The following MRTFA variants were observed in gnomAD, a reference collection of about 807,000 sequenced individuals.
MRTFA encodes the protein myocardin-related transcription factor A.
A neutral mutation model predicts 83.5 loss-of-function variants in MRTFA; 20 were observed. That is an observed-to-expected ratio of 0.24 (90% CI 0.17 to 0.35). The LOEUF is 0.35. Ranked by LOEUF, MRTFA falls within the 10% of genes least tolerant of loss-of-function variation. MRTFA has a pLI of 1.00. For missense variants in MRTFA, 1,200 were observed against 1,224.7 expected (o/e 0.98, Z 0.30); for synonymous variants, 659 against 541.2 (o/e 1.22, Z -3.02).
chr22:40,617,783 T>C (rs918746696), intron 1 of MRTFA, among the ~76,000 whole-genome samples: 1 of 151,042 alleles, frequency 6.6e-6, no homozygotes, highest in Non-Finnish European at 1.5e-5. Flanking sequence ...AGGAGAATAA[T>C]GTCCTACAAA....
At chr22:40,431,266 G>A (rs1376081551) in intron 6 of MRTFA, 139 bp downstream of exon 6, 12 of 737,362 alleles carry the variant, frequency 1.6e-5, no homozygotes, top group Middle Eastern at 2.5e-4. Flanking sequence ...CACAGCTGTC[G>A]TACGGTGTTA....
At chr22:40,550,279 G>A (rs1198804689) in intron 3 of MRTFA, among the ~76,000 whole-genome samples, 1 of 151,382 alleles carries the variant, frequency 6.6e-6, no homozygotes, top group Admixed American at 6.6e-5. Context: ...GGCAGAACTT[G>A]GTAAGGCAAT....
rs375086868 is a variant in MRTFA at position 40,419,058 on chromosome 22, G to A, written c.1680C>T (p.Arg560=). The A allele has an allele frequency of 3.4e-5, 55 of 1,610,500 alleles. No homozygotes were observed. Among genetic ancestry groups the A allele is most frequent in the Non-Finnish European group, 4.3e-5 (51 of 1,178,994 alleles). The stretch of plus-strand genomic sequence containing the variant: ...TTTCATCGCCCGTGCTGAGCAGTGA[G>A]CGCTCCGAGGGGGTGGGAGACACGG... Residue 560 remains arginine, a synonymous_variant, in exon 12 of 15, where the codon CGC becomes CGT. Coordinates refer to ENST00000355630, the MANE Select transcript of MRTFA (RefSeq NM_020831.6).
At chr22:40,484,192 C>T (rs1008871325) in intron 3 of MRTFA, among the ~76,000 whole-genome samples, 1 of 151,860 alleles carries the variant, frequency 6.6e-6, no homozygotes, top group African/African-American at 2.4e-5. Context: ...AATTCTCACT[C>T]TTCAGTCCTA....
chr22:40,608,172 G>A (rs779176115), intron 1 of MRTFA, among the ~76,000 whole-genome samples: 2 of 151,906 alleles, frequency 1.3e-5, no homozygotes, highest in African/African-American at 4.8e-5. Flanking sequence ...CTACACACCC[G>A]GCTACTTTTT....
chr22:40,529,938 T>A (rs2055048587), intron 3 of MRTFA, among the ~76,000 whole-genome samples: 1 of 152,186 alleles, frequency 6.6e-6, no homozygotes. Context: ...ATCCTGTGCA[T>A]GGACAAATGT....
chr22:40,636,127 G>T (rs2056695328), intron 1 of MRTFA, among the ~76,000 whole-genome samples: 1 of 152,208 alleles, frequency 6.6e-6, no homozygotes, highest in Admixed American at 6.5e-5. Context: ...CAGAGAAAGC[G>T]GCCGACACCC....
chr22:40,559,820 T>A (rs1384944004), intron 2 of MRTFA, among the ~76,000 whole-genome samples: 1 of 152,162 alleles, frequency 6.6e-6, no homozygotes, highest in Non-Finnish European at 1.5e-5. Flanking sequence ...AACCCCATGG[T>A]TGTGCCTACT....
intron 4 of MRTFA, among the ~76,000 whole-genome samples, chr22:40,461,098 A>T (rs1297321052): frequency 6.8e-6 from 1 of 147,062 alleles, no homozygotes; most frequent in East Asian, 2.1e-4. Flanking sequence ...GCTATTCAGG[A>T]GGCTGAGGTG....
intron 4 of MRTFA, among the ~76,000 whole-genome samples, chr22:40,450,989 G>C (rs2053476150): frequency 2.0e-5 from 3 of 152,100 alleles, no homozygotes; most frequent in Admixed American, 2.0e-4. Flanking sequence ...CTGCAAAATG[G>C]CAATTATACT....
intron 3 of MRTFA, among the ~76,000 whole-genome samples, chr22:40,527,758 T>TAA (rs56235942): frequency 2.0e-5 from 2 of 100,078 alleles, no homozygotes; most frequent in Non-Finnish European, 4.2e-5. Context: ...GACTCCATCT[T>TAA]AAAAAAAAAA....
At position 40,455,474 on chromosome 22, in the gene MRTFA, G is replaced by A. The variant is rs186532377; in HGVS notation, c.307+7747C>T. Among the ~76,000 whole-genome samples, 680 of 151,914 alleles carry A rather than the reference G, an allele frequency of 4.5e-3. 6 individuals carry two copies. The highest frequency in any genetic ancestry group is 0.016 in the African/African-American group (648 of 41,412). On this transcript the variant is annotated intron_variant, in intron 4 of 14. Coordinates refer to ENST00000355630, the MANE Select transcript of MRTFA (RefSeq NM_020831.6). The stretch of plus-strand genomic sequence containing the variant: ...ATCCTGGCTAACACGGTGAAACCCC[G>A]TCTCTACTAAAAATACAAAAAACTT...
chr22:40,541,246 C>T (rs1031261457), intron 3 of MRTFA, among the ~76,000 whole-genome samples: 23 of 152,296 alleles, frequency 1.5e-4, no homozygotes, highest in African/African-American at 5.5e-4. Flanking sequence ...TAAAATGTAA[C>T]TTACACATGT....
At chr22:40,520,018 T>C (rs2054835690) in intron 3 of MRTFA, among the ~76,000 whole-genome samples, 1 of 152,202 alleles carries the variant, frequency 6.6e-6, no homozygotes, top group Admixed American at 6.5e-5. Context: ...GTTCTGACAA[T>C]TGCATATGCC....
chr22:40,489,348 AT>A (rs763038203), intron 3 of MRTFA, among the ~76,000 whole-genome samples: 460 of 144,606 alleles, frequency 3.2e-3, no homozygotes, highest in Middle Eastern at 3.6e-3. Context: ...ATAATTTCAA[AT>A]TTTTTTTTTT....
intron 2 of MRTFA, chr22:40,587,913 C>A (rs2147371336): frequency 2.4e-6 from 1 of 409,962 alleles, no homozygotes. Context: ...GGAATGGGAG[C>A]CTTGAATACA....
intron 3 of MRTFA, among the ~76,000 whole-genome samples, chr22:40,506,591 G>A (rs1167189353): frequency 2.0e-5 from 3 of 152,156 alleles, no homozygotes; most frequent in East Asian, 1.9e-4. Flanking sequence ...GCCCAACGAG[G>A]TTGGATGTTC....
At chr22:40,634,341 C>T (rs1200191775) in intron 1 of MRTFA, among the ~76,000 whole-genome samples, 1 of 152,220 alleles carries the variant, frequency 6.6e-6, no homozygotes, top group East Asian at 1.9e-4. Flanking sequence ...GATCCTCCTG[C>T]CTTGGCCTCC....
intron 3 of MRTFA, among the ~76,000 whole-genome samples, chr22:40,492,092 G>A (rs932868969): frequency 2.0e-5 from 3 of 152,176 alleles, no homozygotes; most frequent in Non-Finnish European, 1.5e-5. Flanking sequence ...CAGGTGGACT[G>A]ATGAATCTTG....
Sources: allele counts gnomAD v4.1 joint callset (sites outside exome capture counted in the v4.1 genomes callset), GRCh38; gene constraint gnomAD v4.1.1; transcripts MANE v1.5; gene names NCBI Gene and HGNC (gene_info 2026-07-23, HGNC 2026-07-21).